The following DSCAML1 variants were observed in gnomAD, a reference collection of about 807,000 sequenced individuals.
The protein encoded by DSCAML1 is DS cell adhesion molecule like 1.
In DSCAML1, 38 loss-of-function variants were observed where a neutral mutation model predicts 200.5. That is an observed-to-expected ratio of 0.19 (90% CI 0.15 to 0.25). DSCAML1 has a LOEUF of 0.25. Ranked by LOEUF, DSCAML1 falls within the 10% of genes least tolerant of loss-of-function variation. The probability of loss-of-function intolerance (pLI) is 1.00; values close to 1 mark genes in which losing one functional copy is unlikely to be tolerated. For synonymous variants in DSCAML1, 1,215 were observed against 1,165.0 expected, an observed-to-expected ratio of 1.04 and a Z score of -0.87; for missense variants, 2,223 against 2,858.8, an observed-to-expected ratio of 0.78 and a Z score of 5.07.
intron 23 of DSCAML1, 128 bp downstream of exon 23, chr11:117,439,138 G>C: frequency 7.1e-7 from 1 of 1,412,064 alleles, no homozygotes; most frequent in Non-Finnish European, 9.6e-7. Flanking sequence ...GTGCACCTCT[G>C]TTTCTCCAGA....
At chr11:117,527,855 C>T (rs936057899) in intron 4 of DSCAML1, among the ~76,000 whole-genome samples, 10 of 152,178 alleles carry the variant, frequency 6.6e-5, no homozygotes, top group African/African-American at 1.2e-4. Context: ...TTCCAGTGCT[C>T]GTCAGGGGCT....
intron 1 of DSCAML1, among the ~76,000 whole-genome samples, chr11:117,809,732 C>G (rs140599363): frequency 8.5e-5 from 13 of 152,290 alleles, no homozygotes; most frequent in African/African-American, 3.1e-4. Flanking sequence ...GCTGAATCGC[C>G]GCGCAGCGCT....
At chr11:117,752,807 G>A (rs1003762343) in intron 3 of DSCAML1, among the ~76,000 whole-genome samples, 2 of 152,248 alleles carry the variant, frequency 1.3e-5, no homozygotes, top group Non-Finnish European at 2.9e-5. Flanking sequence ...GGATGAGGCT[G>A]CAGCACGAGG....
chr11:117,560,429 CT>C (rs2050640671), intron 3 of DSCAML1, among the ~76,000 whole-genome samples: 1 of 152,164 alleles, frequency 6.6e-6, no homozygotes, highest in Admixed American at 6.5e-5. Context: ...CTTTCAAACC[CT>C]TCTCATTTGA....
At chr11:117,614,443 C>T (rs2051767495) in intron 3 of DSCAML1, among the ~76,000 whole-genome samples, 1 of 152,094 alleles carries the variant, frequency 6.6e-6, no homozygotes, top group Non-Finnish European at 1.5e-5. Context: ...TTAAGAGCTC[C>T]CAGGTGGTGA....
chr11:117,504,115 T>C lies in DSCAML1; in HGVS notation c.2183-94A>G. ...GGCCCTGACACCTCGCTCTTGCAGA[T>C]CTAGGGCCATTTTGTAGCAGAGCTG... On this transcript the variant is annotated intron_variant, in intron 10 of 32. Transcript: ENST00000651296. The surrounding 1 kb of genome is among the most constrained non-coding windows in gnomAD (Gnocchi z 5.0). The C allele has an allele frequency of 1.4e-6, 2 of 1,423,710 alleles. No individual in the cohort carries two copies. The highest frequency in any genetic ancestry group is 1.4e-5 in the African/African-American group (1 of 70,852). 88.2% of individuals were successfully genotyped at this position (1,423,710 alleles called of 1,614,324 possible). A position where few individuals can be genotyped will look rare whatever the true frequency, so the allele number is the denominator to read the frequency against.
intron 5 of DSCAML1, among the ~76,000 whole-genome samples, chr11:117,522,582 C>T (rs1456871228): frequency 1.3e-5 from 2 of 152,182 alleles, no homozygotes; most frequent in African/African-American, 4.8e-5. Context: ...TCATGTGGGC[C>T]GAGTGCAGCC....
chr11:117,758,106 G>C (rs2054728346), intron 3 of DSCAML1, among the ~76,000 whole-genome samples: 1 of 152,036 alleles, frequency 6.6e-6, no homozygotes, highest in African/African-American at 2.4e-5. Context: ...TTCAAGACCA[G>C]CCTGGCCAAG....
intron 3 of DSCAML1, among the ~76,000 whole-genome samples, chr11:117,666,252 A>T (rs2052973231): frequency 6.6e-6 from 1 of 152,148 alleles, no homozygotes; most frequent in South Asian, 2.1e-4. Context: ...ACATCTGTAA[A>T]TTGGGAGTGT....
intron 3 of DSCAML1, among the ~76,000 whole-genome samples, chr11:117,575,872 C>T (rs2050924202): frequency 7.3e-6 from 1 of 136,958 alleles, no homozygotes; most frequent in South Asian, 2.4e-4. Context: ...CAAAACAAAA[C>T]AAAACAAAAC....
At chr11:117,617,970 C>CA (rs1192792912) in intron 3 of DSCAML1, among the ~76,000 whole-genome samples, 4 of 152,152 alleles carry the variant, frequency 2.6e-5, no homozygotes, top group Non-Finnish European at 5.9e-5. Flanking sequence ...GAGCACTTGG[C>CA]AAAGACTCGT....
At chr11:117,658,313 T>A (rs532296806) in intron 3 of DSCAML1, among the ~76,000 whole-genome samples, 2 of 152,262 alleles carry the variant, frequency 1.3e-5, no homozygotes, top group East Asian at 3.9e-4. Context: ...TATGCCCAAG[T>A]TGTGGGTTGC....
chr11:117,693,027 AGAACT>A (rs936790554), intron 3 of DSCAML1, among the ~76,000 whole-genome samples: 7 of 152,208 alleles, frequency 4.6e-5, no homozygotes, highest in Admixed American at 4.6e-4. Flanking sequence ...TGTGATGCTT[AGAACT>A]GGAGCCTGGG....
At chr11:117,439,453 G>T in intron 22 of DSCAML1, 24 bp from the exon 23 acceptor site, 1 of 1,604,186 alleles carries the variant, frequency 6.2e-7, no homozygotes, top group Non-Finnish European at 8.5e-7. Flanking sequence ...GGATGGGGCG[G>T]GTGGGTCATG....
At chr11:117,755,378 G>T (rs1448431981) in intron 3 of DSCAML1, among the ~76,000 whole-genome samples, 2 of 152,198 alleles carry the variant, frequency 1.3e-5, no homozygotes, top group Non-Finnish European at 1.5e-5. Context: ...TGGTTGAGGT[G>T]AGGCCAAAGA....
chr11:117,732,837 G>T (rs1406123064), intron 3 of DSCAML1, among the ~76,000 whole-genome samples: 1 of 151,930 alleles, frequency 6.6e-6, no homozygotes, highest in Non-Finnish European at 1.5e-5. Context: ...AATTATGCAT[G>T]ACTAACTCGG....
chr11:117,749,083 T>C (rs976870430), intron 3 of DSCAML1, among the ~76,000 whole-genome samples: 3 of 152,120 alleles, frequency 2.0e-5, no homozygotes, highest in African/African-American at 7.2e-5. Flanking sequence ...CTTGTGCAGG[T>C]AGAACATCTT....
chr11:117,630,380 T>C (rs2052145021), intron 3 of DSCAML1, among the ~76,000 whole-genome samples: 1 of 151,976 alleles, frequency 6.6e-6, no homozygotes, highest in African/African-American at 2.4e-5. Context: ...CTCAGTGGCC[T>C]TGCAGACACA....
intron 3 of DSCAML1, among the ~76,000 whole-genome samples, chr11:117,579,050 T>A (rs767323073): frequency 6.6e-6 from 1 of 152,184 alleles, no homozygotes; most frequent in Non-Finnish European, 1.5e-5. Context: ...TATCAGCAAG[T>A]CTTGTTGGCT....
Sources: gnomAD v4.1 joint callset for allele counts (sites outside exome capture counted in the v4.1 genomes callset) on GRCh38, gnomAD v4.1.1 for gene constraint, Gnocchi (gnomAD v3.1) non-coding constraint, MANE v1.5 for transcripts, NCBI Gene and HGNC (gene_info 2026-07-23, HGNC 2026-07-21) for gene names.